Variants in SHISA6 observed in about 807,000 individuals in gnomAD.
SHISA6 encodes the protein shisa family member 6, also known as protein shisa-6.
SHISA6 carries 22 observed loss-of-function variants against 47.9 expected under a neutral mutation model. That is an observed-to-expected ratio of 0.46 (90% CI 0.33 to 0.66). The LOEUF (loss-of-function observed/expected upper bound fraction) is 0.66, where lower values mean the gene tolerates loss of function less well. Among genes scored for constraint, SHISA6 ranks in the 30% least tolerant of loss-of-function variants. The pLI is 0.02. For missense variants in SHISA6, 680 were observed against 764.6 expected (o/e 0.89, Z 1.30); for synonymous variants, 388 against 337.8 (o/e 1.15, Z -1.63).
intron 3 of SHISA6, among the ~76,000 whole-genome samples, chr17:11,486,506 G>C (rs1033187366): frequency 7.9e-5 from 12 of 152,322 alleles, no homozygotes; most frequent in Middle Eastern, 3.4e-3. Context: ...AAGGAGAAGA[G>C]CAAGGAGTTG....
At chr17:11,407,987 C>T (rs1049341316) in intron 3 of SHISA6, among the ~76,000 whole-genome samples, 1 of 152,184 alleles carries the variant, frequency 6.6e-6, no homozygotes, top group African/African-American at 2.4e-5. Flanking sequence ...TCTGCATGGT[C>T]ATTTCTTCCC....
intron 3 of SHISA6, among the ~76,000 whole-genome samples, chr17:11,482,974 T>C (rs1238915731): frequency 1.3e-5 from 2 of 151,948 alleles, no homozygotes; most frequent in African/African-American, 4.8e-5. Flanking sequence ...CAACTAATGG[T>C]ATGAAATAAA....
At chr17:11,435,695 C>A (rs559728507) in intron 3 of SHISA6, among the ~76,000 whole-genome samples, 165 of 152,236 alleles carry the variant, frequency 1.1e-3, no homozygotes, top group Non-Finnish European at 1.6e-3. Context: ...GCCCCAAAGG[C>A]TCATGGGGTT....
intron 3 of SHISA6, among the ~76,000 whole-genome samples, chr17:11,442,171 C>T (rs1181330039): frequency 6.6e-6 from 1 of 152,198 alleles, no homozygotes; most frequent in Non-Finnish European, 1.5e-5. Flanking sequence ...GTAATACTAT[C>T]ATGTCTTAGT....
intron 2 of SHISA6, among the ~76,000 whole-genome samples, chr17:11,327,489 T>A (rs1910937328): frequency 6.6e-6 from 1 of 152,196 alleles, no homozygotes; most frequent in Admixed American, 6.5e-5. Flanking sequence ...ATTGGTAAAA[T>A]CTTTTCTAGT....
chr17:11,392,177 T>C (rs1025541318), intron 3 of SHISA6, among the ~76,000 whole-genome samples: 16 of 152,194 alleles, frequency 1.1e-4, no homozygotes, highest in African/African-American at 3.4e-4. Flanking sequence ...CTTTTTTTTT[T>C]CTTCTGTCCT....
At chr17:11,335,329 G>A (rs36002220) in intron 2 of SHISA6, among the ~76,000 whole-genome samples, 34,261 of 152,070 alleles carry the variant, frequency 0.23, 4,138 homozygotes, top group African/African-American at 0.31. Flanking sequence ...ATGAATATGG[G>A]TGAATGAGCA....
intron 3 of SHISA6, among the ~76,000 whole-genome samples, chr17:11,481,411 A>G (rs1424458498): frequency 1.3e-5 from 2 of 150,014 alleles, no homozygotes; most frequent in East Asian, 3.9e-4. Flanking sequence ...TAAATATTAG[A>G]TGGCATTTAT....
rs545478607 is a variant in SHISA6 at position 11,524,482 on chromosome 17, TTTTTTTC to T, written c.896-27393_896-27387del. On this transcript the variant is annotated intron_variant, in intron 3 of 5. Transcript: ENST00000441885. ...ATTTATTTTTCCATAATTTCTTTTC[TTTTTTTC>T]TTTTTTCTTTTTTCTTTTTTTTTTT... is the stretch of plus-strand genomic sequence containing the variant. 4.6e-4 allele frequency among the ~76,000 whole-genome samples: 69 copies of T among 151,294 alleles called. No individual in the cohort carries two copies. In the South Asian group the frequency reaches 5.4e-3, roughly 12 times the overall value.
At chr17:11,464,646 C>G (rs1015860746) in intron 3 of SHISA6, among the ~76,000 whole-genome samples, 10 of 152,122 alleles carry the variant, frequency 6.6e-5, no homozygotes, top group Admixed American at 2.6e-4. Flanking sequence ...AATAATCAAG[C>G]CAAAAGAAAT....
At chr17:11,303,580 G>A (rs543601605) in intron 2 of SHISA6, among the ~76,000 whole-genome samples, 8 of 152,144 alleles carry the variant, frequency 5.3e-5, no homozygotes, top group African/African-American at 1.9e-4. Flanking sequence ...ATGAGGTGAC[G>A]GGATTTTTTA....
chr17:11,413,743 C>T (rs1036816819), intron 3 of SHISA6, among the ~76,000 whole-genome samples: 3 of 152,180 alleles, frequency 2.0e-5, no homozygotes, highest in African/African-American at 7.2e-5. Context: ...AGGGCAGAGC[C>T]ATGTTCCGCT....
chr17:11,361,621 G>A (rs781086186), intron 2 of SHISA6, among the ~76,000 whole-genome samples: 5 of 152,196 alleles, frequency 3.3e-5, no homozygotes, highest in Non-Finnish European at 7.3e-5. Context: ...AGTTGATGGG[G>A]CCTTGTGGCT....
chr17:11,257,215 C>T (rs765262661), intron 1 of SHISA6, among the ~76,000 whole-genome samples: 1 of 152,138 alleles, frequency 6.6e-6, no homozygotes, highest in Non-Finnish European at 1.5e-5. Context: ...CTAAATTAAG[C>T]CGTTCTCCTT....
chr17:11,287,759 G>A (rs1436292577), intron 2 of SHISA6, among the ~76,000 whole-genome samples: 9 of 119,272 alleles, frequency 7.5e-5, no homozygotes, highest in Admixed American at 5.2e-4. Flanking sequence ...AGGGAAGTGG[G>A]GAGGGAAGGA....
At chr17:11,556,648 T>G (rs1447823351) in intron 5 of SHISA6, among the ~76,000 whole-genome samples, 1 of 152,010 alleles carries the variant, frequency 6.6e-6, no homozygotes, top group Non-Finnish European at 1.5e-5. Flanking sequence ...GCAGCCCAAG[T>G]CCACATCAGC....
At chr17:11,514,450 A>G (rs1196296092) in intron 3 of SHISA6, among the ~76,000 whole-genome samples, 1 of 152,086 alleles carries the variant, frequency 6.6e-6, no homozygotes, top group Non-Finnish European at 1.5e-5. Context: ...TTCTAAGTCA[A>G]TCCTTCTTCA....
At chr17:11,435,846 T>C (rs980138083) in intron 3 of SHISA6, among the ~76,000 whole-genome samples, 4 of 152,178 alleles carry the variant, frequency 2.6e-5, no homozygotes, top group Admixed American at 2.6e-4. Context: ...TCCCAAAACT[T>C]CATAAAGCAT....
At chr17:11,453,849 G>C (rs1029112220) in intron 3 of SHISA6, among the ~76,000 whole-genome samples, 1 of 152,152 alleles carries the variant, frequency 6.6e-6, no homozygotes, top group African/African-American at 2.4e-5. Context: ...TCTGGAAAAG[G>C]TCAGACTATA....
Sources: allele counts gnomAD v4.1 joint callset (sites outside exome capture counted in the v4.1 genomes callset), GRCh38; gene constraint gnomAD v4.1.1; transcripts MANE v1.5; gene names NCBI Gene and HGNC (gene_info 2026-07-23, HGNC 2026-07-21).